Variants in LRP1B observed in about 807,000 individuals in gnomAD.
LRP1B encodes LDL receptor related protein 1B, also known as low-density lipoprotein receptor-related protein 1B.
In LRP1B, 217 loss-of-function variants were observed where a neutral mutation model predicts 556.6. The ratio of observed to expected loss-of-function variants is 0.39; its 90% CI spans 0.35 to 0.44. LRP1B has a LOEUF of 0.44. Among genes scored for constraint, LRP1B ranks in the 20% least tolerant of loss-of-function variants. The probability of loss-of-function intolerance (pLI) is 1.00; values close to 1 mark genes in which losing one functional copy is unlikely to be tolerated. For missense variants in LRP1B, 5,053 were observed against 5,620.8 expected (o/e 0.90, Z 3.23); for synonymous variants, 2,047 against 1,865.8 (o/e 1.10, Z -2.50).
At chr2:141,354,880 T>TGA (rs199953862) in intron 3 of LRP1B, among the ~76,000 whole-genome samples, 130 of 152,122 alleles carry the variant, frequency 8.5e-4, no homozygotes, top group African/African-American at 2.9e-3. Context: ...AAATGTTTAA[T>TGA]GAGAGTACTA....
intron 3 of LRP1B, among the ~76,000 whole-genome samples, chr2:141,444,723 TTA>T (rs1471290786): frequency 1.3e-5 from 2 of 152,226 alleles, no homozygotes; most frequent in Non-Finnish European, 2.9e-5. Flanking sequence ...ATGTGGTAAA[TTA>T]TGTTTATTGA....
intron 1 of LRP1B, among the ~76,000 whole-genome samples, chr2:142,047,569 A>C (rs1434954919): frequency 6.6e-6 from 1 of 151,950 alleles, no homozygotes; most frequent in African/African-American, 2.4e-5. Context: ...TCTAAAATAT[A>C]AAGAAATGTG....
At chr2:141,757,701 T>C (rs1345741815) in intron 2 of LRP1B, among the ~76,000 whole-genome samples, 1 of 152,004 alleles carries the variant, frequency 6.6e-6, no homozygotes, top group Non-Finnish European at 1.5e-5. Flanking sequence ...GTCCAGCTAA[T>C]TTTTAATTTT....
At chr2:141,403,099 A>G (rs1237475925) in intron 3 of LRP1B, among the ~76,000 whole-genome samples, 3 of 152,126 alleles carry the variant, frequency 2.0e-5, no homozygotes, top group Non-Finnish European at 4.4e-5. Context: ...GCCATGCAAG[A>G]TTGAATATCA....
At chr2:141,343,344 G>A (rs1211068093) in intron 3 of LRP1B, among the ~76,000 whole-genome samples, 1 of 152,034 alleles carries the variant, frequency 6.6e-6, no homozygotes, top group Non-Finnish European at 1.5e-5. Context: ...TATTCTAATA[G>A]CCTTGTCTAC....
rs1273579139 is a variant in LRP1B at position 140,748,775 on chromosome 2, T to TATATATCATATATTATATAC, written c.5758+20437_5758+20438insGTATATAATATATGATATAT. 1.0e-4 allele frequency among the ~76,000 whole-genome samples: 3 copies of TATATATCATATATTATATAC among 29,322 alleles called. 1 individual carries two copies. In the East Asian group the frequency reaches 9.6e-3, roughly 94 times the overall value. 19.2% of individuals were successfully genotyped at this position (29,322 alleles called of 152,430 possible). ...ATATATATTATATACATGTATATAA[T>TATATATCATATATTATATAC]ATGTATATAATATATATTATATACA... On this transcript the variant is annotated intron_variant, in intron 35 of 90. Coordinates refer to ENST00000389484, the MANE Select transcript of LRP1B (RefSeq NM_018557.3).
chr2:140,950,084 A>G (rs978633402), intron 20 of LRP1B, 151 bp downstream of exon 20: 3 of 504,370 alleles, frequency 5.9e-6, no homozygotes, highest in Non-Finnish European at 1.0e-5. Flanking sequence ...AGGGAAAGGA[A>G]AGAGATAGCA....
intron 43 of LRP1B, among the ~76,000 whole-genome samples, chr2:140,554,103 A>T (rs1337638485): frequency 6.6e-6 from 1 of 151,878 alleles, no homozygotes; most frequent in Non-Finnish European, 1.5e-5. Flanking sequence ...TCTTTGGATA[A>T]CTCTTTCTGA....
At position 141,229,234 on chromosome 2, in the gene LRP1B, C is replaced by A. The variant is rs756019388; in HGVS notation, c.799G>T (p.Ala267Ser). 2 of 1,612,698 alleles carry A rather than the reference C, an allele frequency of 1.2e-6. No homozygotes were observed. The highest frequency in any genetic ancestry group is 1.7e-6 in the Non-Finnish European group (2 of 1,179,088). The change falls in exon 6 of 91, where the codon GCA becomes TCA. Residue 267 changes from alanine (A) to serine (S), a missense_variant. Physicochemically the swap from Ala to Ser is moderately conservative, Grantham distance 99 (BLOSUM62 1). Coordinates refer to ENST00000389484, the MANE Select transcript of LRP1B (RefSeq NM_018557.3). ...NQLKCIQITK[A>S]GGLTDEWTIN... ...GTCCATTCATCTGTTAATCCTCCTGCTTTTGTTATCTGGATACATTTGAGT... is the reference window on the plus strand; with the variant it reads ...GTCCATTCATCTGTTAATCCTCCTGATTTTGTTATCTGGATACATTTGAGT...
At chr2:140,545,595 GGTAT>G (rs1680302909) in intron 43 of LRP1B, among the ~76,000 whole-genome samples, 1 of 151,966 alleles carries the variant, frequency 6.6e-6, no homozygotes, top group African/African-American at 2.4e-5. Flanking sequence ...GACAGTTGTA[GGTAT>G]GCAGCCTTAT....
chr2:140,892,558 C>A lies in LRP1B; in HGVS notation c.3767-6223G>T, dbSNP rs61122677. 5.0e-3 allele frequency among the ~76,000 whole-genome samples: 762 copies of A among 152,170 alleles called. 6 individuals carry two copies. Among genetic ancestry groups the A allele is most frequent in the African/African-American group, 0.017 (697 of 41,506 alleles). ...ATAATTTTGAGAGCTGCGAAGGATG[C>A]GGGAACTTAGTGAACTGTTGGTATA... is the stretch of plus-strand genomic sequence containing the variant. On this transcript the variant is annotated intron_variant, in intron 23 of 90. Transcript: ENST00000389484.
intron 3 of LRP1B, among the ~76,000 whole-genome samples, chr2:141,351,696 A>G (rs895766245): frequency 1.3e-5 from 2 of 152,046 alleles, no homozygotes; most frequent in African/African-American, 4.8e-5. Flanking sequence ...TGGGGAAGTC[A>G]AACACATAAT....
At chr2:141,576,562 CT>C (rs542323947) in intron 2 of LRP1B, among the ~76,000 whole-genome samples, 3 of 151,022 alleles carry the variant, frequency 2.0e-5, no homozygotes, top group African/African-American at 2.4e-5. Context: ...ATGTATCCCT[CT>C]TTTTTTTTAG....
At chr2:141,357,090 C>T (rs1469840459) in intron 3 of LRP1B, among the ~76,000 whole-genome samples, 2 of 151,176 alleles carry the variant, frequency 1.3e-5, no homozygotes, top group East Asian at 3.9e-4. Flanking sequence ...GAGTTTTGCT[C>T]TGTTACCTAG....
chr2:142,006,776 T>C (rs1702817065), intron 1 of LRP1B, among the ~76,000 whole-genome samples: 1 of 152,196 alleles, frequency 6.6e-6, no homozygotes, highest in South Asian at 2.1e-4. Flanking sequence ...TATACTGGTT[T>C]GCTTTCCAAG....
intron 41 of LRP1B, chr2:140,683,324 G>T: frequency 2.3e-6 from 1 of 440,460 alleles, no homozygotes; most frequent in Non-Finnish European, 4.4e-6. Context: ...TGACCTGGAG[G>T]CCCAACCACC....
At chr2:141,728,138 C>T (rs1294223290) in intron 2 of LRP1B, among the ~76,000 whole-genome samples, 1 of 152,068 alleles carries the variant, frequency 6.6e-6, no homozygotes, top group African/African-American at 2.4e-5. Flanking sequence ...GGAAGAGGAA[C>T]TTGCAAAGAA....
At chr2:140,573,200 A>G (rs185574748) in intron 43 of LRP1B, among the ~76,000 whole-genome samples, 1 of 152,046 alleles carries the variant, frequency 6.6e-6, no homozygotes, top group African/African-American at 2.4e-5. Flanking sequence ...ACATAATTTC[A>G]TCATTACATA....
At chr2:141,571,479 C>T (rs1160764112) in intron 2 of LRP1B, among the ~76,000 whole-genome samples, 1 of 150,658 alleles carries the variant, frequency 6.6e-6, no homozygotes, top group Non-Finnish European at 1.5e-5. Flanking sequence ...AAAAAAAAAT[C>T]AAAGAAAAAA....
Sources: allele counts gnomAD v4.1 joint callset (sites outside exome capture counted in the v4.1 genomes callset), GRCh38; gene constraint gnomAD v4.1.1; transcripts MANE v1.5; gene names NCBI Gene and HGNC (gene_info 2026-07-23, HGNC 2026-07-21).